The following RBFOX1 variants were observed in gnomAD, a reference collection of about 807,000 sequenced individuals.
The protein encoded by RBFOX1 is RNA binding fox-1 homolog 1.
A neutral mutation model predicts 57.7 loss-of-function variants in RBFOX1; 8 were observed. The observed-to-expected ratio is 0.14, with a 90% CI of 0.08 to 0.25. RBFOX1 has a LOEUF of 0.25. Ranked by LOEUF, RBFOX1 falls within the 10% of genes least tolerant of loss-of-function variation. RBFOX1 has a pLI of 1.00. For synonymous variants in RBFOX1, 326 were observed against 222.4 expected (o/e 1.47, Z -4.15); for missense variants, 611 against 548.5 (o/e 1.11, Z -1.14).
chr16:5,443,777 A>G (rs1389814427), intron 1 of RBFOX1, among the ~76,000 whole-genome samples: 2 of 152,236 alleles, frequency 1.3e-5, no homozygotes, highest in Admixed American at 1.3e-4. Flanking sequence ...TTATCTTGCA[A>G]GACATACATT....
intron 1 of RBFOX1, among the ~76,000 whole-genome samples, chr16:5,382,176 C>T (rs1018779354): frequency 5.3e-5 from 8 of 152,078 alleles, no homozygotes; most frequent in Admixed American, 1.3e-4. Context: ...TCATTCAGGC[C>T]ATCTAAGAGT....
At chr16:5,642,388 G>A (rs142187224) in intron 3 of RBFOX1, among the ~76,000 whole-genome samples, 15 of 152,258 alleles carry the variant, frequency 9.9e-5, no homozygotes, top group Non-Finnish European at 1.6e-4. Context: ...AGGTTGATAC[G>A]TCTTAAAAGA....
chr16:7,458,056 G>A (rs2058868362), intron 4 of RBFOX1, among the ~76,000 whole-genome samples: 2 of 152,086 alleles, frequency 1.3e-5, no homozygotes, highest in East Asian at 1.9e-4. Context: ...TCCTCTTTAA[G>A]GACATACTTC....
At chr16:6,086,021 T>G (rs188673681) in intron 1 of RBFOX1, among the ~76,000 whole-genome samples, 192 of 152,228 alleles carry the variant, frequency 1.3e-3, no homozygotes, top group Non-Finnish European at 2.2e-3. Context: ...CCCCTCCCTG[T>G]GTCCATGTCT....
chr16:6,799,914 CA>C (rs1178002708), intron 3 of RBFOX1, among the ~76,000 whole-genome samples: 1 of 152,150 alleles, frequency 6.6e-6, no homozygotes. Context: ...CTTCAGTTTG[CA>C]GATGGCTTAT....
At chr16:7,258,487 G>C (rs538216475) in intron 4 of RBFOX1, among the ~76,000 whole-genome samples, 1 of 152,034 alleles carries the variant, frequency 6.6e-6, no homozygotes, top group African/African-American at 2.4e-5. Flanking sequence ...CTCTGTCAAG[G>C]GGGGAGGCGA....
chr16:5,549,913 A>G (rs951400453), intron 2 of RBFOX1, among the ~76,000 whole-genome samples: 3 of 152,128 alleles, frequency 2.0e-5, no homozygotes, highest in Non-Finnish European at 2.9e-5. Context: ...AACTTGCACA[A>G]TGAACTGAGG....
chr16:7,630,934 C>T (rs377642578), intron 11 of RBFOX1, among the ~76,000 whole-genome samples: 1 of 151,904 alleles, frequency 6.6e-6, no homozygotes, highest in Non-Finnish European at 1.5e-5. Flanking sequence ...TGGGGAGGGG[C>T]ATGGGAGGGT....
At chr16:5,835,490 A>G (rs2056428695) in intron 3 of RBFOX1, among the ~76,000 whole-genome samples, 1 of 152,222 alleles carries the variant, frequency 6.6e-6, no homozygotes, top group South Asian at 2.1e-4. Context: ...GTAGGTATCA[A>G]CATCCTGCCT....
intron 4 of RBFOX1, among the ~76,000 whole-genome samples, chr16:5,923,264 AAGAG>A (rs1301579272): frequency 2.0e-5 from 3 of 152,180 alleles, no homozygotes; most frequent in Non-Finnish European, 4.4e-5. Context: ...AATTAACAAA[AAGAG>A]AGGAGAAGAA....
intron 3 of RBFOX1, among the ~76,000 whole-genome samples, chr16:5,699,180 G>A (rs1596816245): frequency 6.7e-6 from 1 of 149,294 alleles, no homozygotes; most frequent in East Asian, 2.0e-4. Flanking sequence ...TAGAGATGAG[G>A]TTTCACCATA....
At chr16:5,587,261 T>C (rs951048533) in intron 2 of RBFOX1, among the ~76,000 whole-genome samples, 3 of 152,094 alleles carry the variant, frequency 2.0e-5, no homozygotes, top group Admixed American at 2.0e-4. Flanking sequence ...AATTAAAAAA[T>C]GGGCAAAGTG....
intron 2 of RBFOX1, among the ~76,000 whole-genome samples, chr16:6,380,127 G>T (rs1003127860): frequency 5.3e-5 from 8 of 152,134 alleles, no homozygotes; most frequent in African/African-American, 1.9e-4. Context: ...TGAGAGGTGG[G>T]GGAGGTTGAA....
intron 2 of RBFOX1, among the ~76,000 whole-genome samples, chr16:6,580,920 T>C (rs926662348): frequency 6.7e-6 from 1 of 150,316 alleles, no homozygotes; most frequent in African/African-American, 2.5e-5. Flanking sequence ...TTTTTTTTTT[T>C]TTTTGCCCTT....
intron 3 of RBFOX1, among the ~76,000 whole-genome samples, chr16:6,665,359 A>G (rs1423904686): frequency 6.6e-6 from 1 of 152,190 alleles, no homozygotes; most frequent in African/African-American, 2.4e-5. Flanking sequence ...CACGCCTATA[A>G]TGCCAGCCCT....
At chr16:6,020,750 G>A (rs903686908) in intron 1 of RBFOX1, among the ~76,000 whole-genome samples, 7 of 152,182 alleles carry the variant, frequency 4.6e-5, no homozygotes, top group African/African-American at 1.7e-4. Context: ...ATGGAAGCGA[G>A]GGCGGGGCTA....
intron 1 of RBFOX1, among the ~76,000 whole-genome samples, chr16:5,357,636 G>A (rs938755): frequency 6.6e-6 from 1 of 152,202 alleles, no homozygotes; most frequent in African/African-American, 2.4e-5. Context: ...CCAGGTGATG[G>A]TGATGCTTCT....
intron 1 of RBFOX1, among the ~76,000 whole-genome samples, chr16:5,395,169 C>T (rs1017227191): frequency 6.6e-6 from 1 of 152,200 alleles, no homozygotes; most frequent in South Asian, 2.1e-4. Flanking sequence ...CATCCCAGAG[C>T]ACTGCACTTT....
chr16:6,029,287 A>T (rs2095252688), intron 1 of RBFOX1, among the ~76,000 whole-genome samples: 1 of 152,224 alleles, frequency 6.6e-6, no homozygotes, highest in Admixed American at 6.5e-5. Context: ...CATAACAAGA[A>T]CAAGGAACCA....
Sources: gnomAD v4.1 joint callset for allele counts (sites outside exome capture counted in the v4.1 genomes callset) on GRCh38, gnomAD v4.1.1 for gene constraint, MANE v1.5 for transcripts, NCBI Gene and HGNC (gene_info 2026-07-23, HGNC 2026-07-21) for gene names.